Variants in MMS19 observed in about 807,000 individuals in gnomAD.
MMS19 encodes MMS19 nucleotide excision repair protein homolog.
MMS19 carries 77 observed loss-of-function variants against 129.8 expected under a neutral mutation model. The ratio of observed to expected loss-of-function variants is 0.59; its 90% CI spans 0.49 to 0.72. The LOEUF (loss-of-function observed/expected upper bound fraction) is 0.72. Among genes scored for constraint, MMS19 ranks in the 30% least tolerant of loss-of-function variants. MMS19 has a pLI of 0.00. For missense variants in MMS19, 1,168 were observed against 1,266.3 expected (o/e 0.92, Z 1.18); for synonymous variants, 491 against 502.8 (o/e 0.98, Z 0.31).
rs758097477 is a variant in MMS19, at chr10:97,459,413, G to C, written c.2853C>G (p.His951Gln). 6.2e-7 allele frequency: 1 copy of C among 1,607,100 alleles called. No individual in the cohort carries two copies. Among genetic ancestry groups the C allele is most frequent in the Admixed American group, 1.7e-5 (1 of 58,584 alleles). The part of the protein sequence containing the change: ...LLEAPQVMSL[H>Q]VDTLVTKFLN... Reference sequence around the variant, plus strand: ...GAAACTTGGTGACGAGGGTGTCCACGTGAAGACTCATGACTTGGGGTGCTT... The same window carrying C: ...GAAACTTGGTGACGAGGGTGTCCACCTGAAGACTCATGACTTGGGGTGCTT... Residue 951 changes from histidine (H) to glutamine (Q), a missense_variant, in exon 28 of 31, where the codon CAC becomes CAG. Transcript: ENST00000438925.
intron 1 of MMS19, among the ~76,000 whole-genome samples, chr10:97,496,511 CA>C (rs11357826): frequency 0.48 from 51,870 of 108,026 alleles, 9,190 homozygotes; most frequent in South Asian, 0.59. Context: ...GACCTTGTCT[CA>C]AAAAAAAAAA....
Position 97,458,920 on chromosome 10 carries a change from A to G in MMS19, c.2965-20T>C, listed in dbSNP as rs777601812. ...CAGCAGCTGTGGAGTCAGAGGATATAATCAACCTTGCTCATCCAAGGCAAC... is the reference window on the plus strand; with the variant it reads ...CAGCAGCTGTGGAGTCAGAGGATATGATCAACCTTGCTCATCCAAGGCAAC... On this transcript the variant is annotated intron_variant, in intron 29 of 30. Coordinates refer to ENST00000438925, the MANE Select transcript of MMS19 (RefSeq NM_022362.5). The G allele has an allele frequency of 8.7e-6, 14 of 1,612,278 alleles. No homozygotes were observed. Among genetic ancestry groups the G allele is most frequent in the South Asian group, 1.1e-5 (1 of 91,006 alleles).
chr10:97,476,425 AG>A (rs1441780833), intron 8 of MMS19, among the ~76,000 whole-genome samples: 1 of 152,236 alleles, frequency 6.6e-6, no homozygotes, highest in East Asian at 1.9e-4. Context: ...CTTCAAGGGC[AG>A]GGACAGTGTT....
At chr10:97,482,513 G>T (rs565257910) in intron 2 of MMS19, among the ~76,000 whole-genome samples, 1 of 152,176 alleles carries the variant, frequency 6.6e-6, no homozygotes, top group South Asian at 2.1e-4. Context: ...ATTAGTGATT[G>T]CTGGGGGTTG....
chr10:97,483,062 T>C (rs749553771), intron 2 of MMS19, among the ~76,000 whole-genome samples: 54 of 151,942 alleles, frequency 3.6e-4, no homozygotes, highest in Non-Finnish European at 6.3e-4. Context: ...ACCTGGCCTA[T>C]ATATATTTTT....
At position 97,470,135 on chromosome 10, in the gene MMS19, C is replaced by T. The variant is rs756454424; in HGVS notation, c.840G>A (p.Gln280=). Residue 280 remains glutamine (Q), a synonymous_variant, in exon 10 of 31, where the codon CAG becomes CAA. Coordinates refer to ENST00000438925, the MANE Select transcript of MMS19 (RefSeq NM_022362.5). ...AAGGAGAAAAATCACTCACCAGAGT[C>T]TGTAGAGAATCCAACTTGGCACTCA... ...EVLSAKLDSL[Q]TLNACCAVYG... The T allele has an allele frequency of 6.2e-7, 1 of 1,606,810 alleles. No individual in the cohort carries two copies. The highest frequency in any genetic ancestry group is 1.1e-5 in the South Asian group (1 of 89,460).
At chr10:97,488,905 G>A (rs2038389771) in intron 1 of MMS19, among the ~76,000 whole-genome samples, 1 of 152,150 alleles carries the variant, frequency 6.6e-6, no homozygotes, top group African/African-American at 2.4e-5. Flanking sequence ...ATGAATTATA[G>A]TACATCCATA....
At chr10:97,480,017 T>G (rs1564674011) in intron 3 of MMS19, among the ~76,000 whole-genome samples, 2 of 152,156 alleles carry the variant, frequency 1.3e-5, no homozygotes, top group Admixed American at 6.5e-5. Flanking sequence ...AATATGGCGA[T>G]TCCCATGGCG....
chr10:97,484,142 G>A lies in MMS19; in HGVS notation c.122C>T (p.Ser41Phe). The change falls in exon 2 of 31, where the codon TCT becomes TTT. Residue 41 changes from serine (S) to phenylalanine (F), a missense_variant. Around this residue, in one of 3 missense-constraint regions of MMS19, gnomAD observed 329 missense variants for 328.6 expected, o/e 1.00. Transcript: ENST00000438925. ...AACTTGTAACACTGTATAGTTGCCAGATTTCACATCTGCAGGAAATAAAAT... is the reference window on the plus strand; with the variant it reads ...AACTTGTAACACTGTATAGTTGCCAAATTTCACATCTGCAGGAAATAAAAT... ...PADQVAADVK[S>F]GNYTVLQVVE... The A allele has an allele frequency of 6.6e-7, 1 of 1,522,838 alleles. No individual in the cohort carries two copies. The highest frequency in any genetic ancestry group is 8.9e-7 in the Non-Finnish European group (1 of 1,127,262). 94.3% of individuals were successfully genotyped at this position (1,522,838 alleles called of 1,614,324 possible).
At position 97,498,401 on chromosome 10, in the gene MMS19, C is replaced by G; in HGVS notation, c.-17G>C. Reference sequence around the variant, plus strand: ...AGCGGCCATAACGCGAACTAGAGACCGTGGGAGGGGATATGGGCGGTGGCT... The same window carrying G: ...AGCGGCCATAACGCGAACTAGAGACGGTGGGAGGGGATATGGGCGGTGGCT... On this transcript the variant is annotated 5_prime_UTR_variant, in exon 1 of 31. Transcript: ENST00000438925. 2 of 1,577,996 alleles carry G rather than the reference C, an allele frequency of 1.3e-6. No homozygotes were observed. Among genetic ancestry groups the G allele is most frequent in the Non-Finnish European group, 8.5e-7 (1 of 1,170,222 alleles).
At chr10:97,483,432 G>A (rs1044291068) in intron 2 of MMS19, among the ~76,000 whole-genome samples, 1 of 152,164 alleles carries the variant, frequency 6.6e-6, no homozygotes, top group Non-Finnish European at 1.5e-5. Flanking sequence ...TTATGTGGGA[G>A]AAATGTGTAA....
Position 97,458,438 on chromosome 10 carries a change from T to C in MMS19, c.*254A>G, listed in dbSNP as rs981956655. 6.0e-6 allele frequency: 3 copies of C among 497,474 alleles called. No individual in the cohort carries two copies. The highest frequency in any genetic ancestry group is 1.1e-5 in the Non-Finnish European group (3 of 281,504). 30.8% of individuals were successfully genotyped at this position (497,474 alleles called of 1,614,324 possible). On this transcript the variant is annotated 3_prime_UTR_variant, in exon 31 of 31. Coordinates refer to ENST00000438925, the MANE Select transcript of MMS19 (RefSeq NM_022362.5). ...GCAGCATATCGCCCCTTTTCTGACA[T>C]ATAAATGCAAGAGACCCAGGACCCT...
upstream of MMS19, chr10:97,498,433 G>A (rs1168118943): frequency 1.9e-6 from 3 of 1,553,954 alleles, no homozygotes; most frequent in South Asian, 2.3e-5. Flanking sequence ...GGCTCGAGAC[G>A]GGCTCTCCGC....
chr10:97,475,910 C>G (rs1209169381), intron 8 of MMS19, among the ~76,000 whole-genome samples: 1 of 152,136 alleles, frequency 6.6e-6, no homozygotes, highest in Non-Finnish European at 1.5e-5. Context: ...TTTCAGGAGA[C>G]AGGTGGTCCC....
At position 97,460,082 on chromosome 10, in the gene MMS19, G is replaced by A; in HGVS notation, c.2620C>T (p.Pro874Ser). ...GCATGGAAGCCCTGGACCAAAGCAG[G>A]CACATTATCTGTGAAGAACCGCTGG... ...FRQRFFTDNV[P>S]ALVQGFHAAP... Residue 874 changes from proline to serine, a missense_variant, in exon 26 of 31, where the codon CCT becomes TCT. Physicochemically the swap from Pro to Ser is moderately conservative, Grantham distance 74. Transcript: ENST00000438925. 1 of 1,614,030 alleles carries A rather than the reference G, an allele frequency of 6.2e-7. No homozygotes were observed. The highest frequency in any genetic ancestry group is 8.5e-7 in the Non-Finnish European group (1 of 1,179,908).
chr10:97,476,741 G>A lies in MMS19; in HGVS notation c.626C>T (p.Pro209Leu). 1 of 1,613,732 alleles carries A rather than the reference G, an allele frequency of 6.2e-7. No homozygotes were observed. Among genetic ancestry groups the A allele is most frequent in the Non-Finnish European group, 8.5e-7 (1 of 1,179,822 alleles). ...DLISRDYSLG[P>L]FVEELFEVTS... ...CACTTCAAACAACTCCTCCACAAAG[G>A]GTCCTGTGGCAACAGAGAAAAAATG... Residue 209 changes from proline (P) to leucine (L), a missense_variant, in exon 8 of 31, where the codon CCC becomes CTC. Physicochemically the swap from Pro to Leu is moderately conservative, Grantham distance 98 (BLOSUM62 -3). This residue lies in a region of MMS19 where 329 missense variants were observed against 328.6 expected (regional missense o/e 1.00). Transcript: ENST00000438925.
At chr10:97,478,043 G>C (rs1214991443) in intron 4 of MMS19, 114 bp from the exon 5 acceptor site, 2 of 713,172 alleles carry the variant, frequency 2.8e-6, no homozygotes, top group Non-Finnish European at 4.7e-6. Context: ...TCCTGGTTGA[G>C]GAAGAAGCAC....
At chr10:97,461,120 T>G in intron 23 of MMS19, 113 bp from the exon 24 acceptor site, 1 of 894,754 alleles carries the variant, frequency 1.1e-6, no homozygotes, top group Non-Finnish European at 1.7e-6. Flanking sequence ...AAAGGGAAAA[T>G]ATCATTTTTG....
At chr10:97,471,281 T>C (rs1460279675) in intron 8 of MMS19, among the ~76,000 whole-genome samples, 1 of 152,172 alleles carries the variant, frequency 6.6e-6, no homozygotes, top group Non-Finnish European at 1.5e-5. Flanking sequence ...TTTCATAGCA[T>C]TAGTTTTAGT....
Sources: allele counts gnomAD v4.1 joint callset (sites outside exome capture counted in the v4.1 genomes callset), GRCh38; gene constraint gnomAD v4.1.1; regional missense constraint gnomAD v4.1.1; transcripts MANE v1.5; gene names NCBI Gene and HGNC (gene_info 2026-07-23, HGNC 2026-07-21).